EFHC2: variants seen among roughly 807,000 people sequenced by gnomAD.
EFHC2 encodes EF-hand domain-containing family member C2.
A neutral mutation model predicts 52.7 loss-of-function variants in EFHC2; 18 were observed. The ratio of observed to expected loss-of-function variants is 0.34; its 90% CI spans 0.24 to 0.51. The LOEUF (loss-of-function observed/expected upper bound fraction) is 0.51. EFHC2 is among the 20% of genes least tolerant of loss of function. The probability of loss-of-function intolerance (pLI) is 0.97; values close to 1 mark genes in which losing one functional copy is unlikely to be tolerated. For synonymous variants in EFHC2, 203 were observed against 204.1 expected (o/e 0.99, Z 0.04); for missense variants, 513 against 562.5 (o/e 0.91, Z 0.89).
At chrX:44,285,236 C>T (rs1344553942) in intron 2 of EFHC2, 1 of 111,643 alleles carries the variant, frequency 9.0e-6, no homozygotes, top group African/African-American at 3.3e-5. Flanking sequence ...CACCAGTTTT[C>T]CAGTGAGCTC....
chrX:44,280,066 C>CAA (rs1569299823), intron 2 of EFHC2, among the ~76,000 whole-genome samples: 1 of 106,948 alleles, frequency 9.4e-6, no homozygotes, highest in Non-Finnish European at 1.9e-5. Context: ...CACACACACA[C>CAA]AGAAATCAGA....
chrX:44,172,671 G>C (rs1390521626), intron 13 of EFHC2, among the ~76,000 whole-genome samples: 1 of 112,111 alleles, frequency 8.9e-6, no homozygotes, highest in African/African-American at 3.2e-5. Context: ...GGCTCATCTT[G>C]GCCTGGAGCA....
chrX:44,293,427 C>T (rs2037806785), intron 2 of EFHC2, among the ~76,000 whole-genome samples: 2 of 111,146 alleles, frequency 1.8e-5, no homozygotes, highest in East Asian at 5.7e-4. Flanking sequence ...TTACAGTTAG[C>T]AATGTCATCT....
intron 2 of EFHC2, among the ~76,000 whole-genome samples, chrX:44,279,969 A>G (rs2037689632): frequency 9.4e-6 from 1 of 106,894 alleles, no homozygotes; most frequent in Non-Finnish European, 1.9e-5. Context: ...ATCCTGATGC[A>G]TTGGCCACAC....
rs951016865 is a variant in EFHC2 at position 44,310,377 on chromosome X, G to C, written c.231+2191C>G. The C allele has an allele frequency of 8.4e-6, 8 of 949,846 alleles. No homozygotes were observed. The Admixed American group carries it at 2.1e-4, about 25-fold the overall frequency. The allele number at this position is 949,846 out of a possible 1,213,427, so 78.3% of individuals were successfully genotyped here. A position where few individuals can be genotyped will look rare whatever the true frequency, so the allele number is the denominator to read the frequency against. On this transcript the variant is annotated intron_variant, in intron 2 of 14. Transcript: ENST00000420999. ...ACCCGGGTCCCGCTCAGGGCCGGCGGCCTGTTCACCTTGTCGACCAGGCTG... is the reference window on the plus strand; with the variant it reads ...ACCCGGGTCCCGCTCAGGGCCGGCGCCCTGTTCACCTTGTCGACCAGGCTG...
chrX:44,310,143 T>A (rs1238074370), intron 2 of EFHC2: 4 of 686,416 alleles, frequency 5.8e-6, no homozygotes, highest in Non-Finnish European at 7.2e-6. Context: ...GTGCCGAATG[T>A]CCTTGGACAG....
At chrX:44,286,189 G>A (rs1404774059) in intron 2 of EFHC2, 1 of 116,346 alleles carries the variant, frequency 8.6e-6, no homozygotes, top group Middle Eastern at 1.1e-3. Flanking sequence ...AAGGTGTGTC[G>A]CTCTCCCACA....
intron 2 of EFHC2, among the ~76,000 whole-genome samples, chrX:44,310,770 A>G (rs1404493003): frequency 8.9e-6 from 1 of 111,800 alleles, no homozygotes; most frequent in African/African-American, 3.3e-5. Flanking sequence ...TGTTGCATTT[A>G]GTTAGCCCTG....
In EFHC2 at chrX:44,245,982, G is replaced by A. The variant is rs141392884; in HGVS notation, c.1111+2290C>T. ...AGATCCTTCCTGCGTGCTGCACAGT[G>A]GAGATACCCAGGTTTTCTACTGAAC... On this transcript the variant is annotated intron_variant, in intron 7 of 14. Coordinates refer to ENST00000420999, the MANE Select transcript of EFHC2 (RefSeq NM_025184.4). 2.8e-3 allele frequency among the ~76,000 whole-genome samples: 317 copies of A among 111,401 alleles called. 1 individual carries two copies. Among genetic ancestry groups the A allele is most frequent in the African/African-American group, 9.9e-3 (303 of 30,639 alleles).
chrX:44,235,177 G>GTT, intron 9 of EFHC2, 128 bp downstream of exon 9: 4 of 550,823 alleles, frequency 7.3e-6, no homozygotes, highest in South Asian at 8.1e-5. Flanking sequence ...ATTGTTCAGG[G>GTT]TTTTTTTTTA....
chrX:44,197,666 A>G (rs886788827), intron 11 of EFHC2, among the ~76,000 whole-genome samples: 1 of 112,022 alleles, frequency 8.9e-6, no homozygotes, highest in African/African-American at 3.2e-5. Flanking sequence ...CACATGCACA[A>G]TATATGTTTA....
At chrX:44,205,705 C>T (rs1198267094) in intron 11 of EFHC2, among the ~76,000 whole-genome samples, 1 of 111,572 alleles carries the variant, frequency 9.0e-6, no homozygotes, top group Non-Finnish European at 1.9e-5. Flanking sequence ...ATGCACTCAA[C>T]ATCAGAGCAC....
chrX:44,202,009 T>C (rs987226608), intron 11 of EFHC2, among the ~76,000 whole-genome samples: 2 of 111,502 alleles, frequency 1.8e-5, no homozygotes, highest in African/African-American at 3.3e-5. Context: ...ACATGTTGCA[T>C]TGTAGGCCCT....
chrX:44,263,633 T>G (rs771352417), intron 3 of EFHC2, among the ~76,000 whole-genome samples: 1 of 112,336 alleles, frequency 8.9e-6, no homozygotes, highest in Non-Finnish European at 1.9e-5. Context: ...GAAAACAGTA[T>G]GCAAATTATT....
At chrX:44,277,281 A>AAAAAAAAG (rs35893563) in intron 2 of EFHC2, among the ~76,000 whole-genome samples, 2 of 102,473 alleles carry the variant, frequency 2.0e-5, no homozygotes, top group African/African-American at 7.6e-5. Context: ...AAAAAAAAAA[A>AAAAAAAAG]TCTTACAGCT....
intron 1 of EFHC2, among the ~76,000 whole-genome samples, chrX:44,313,757 C>A (rs1300971512): frequency 9.0e-6 from 1 of 110,719 alleles, no homozygotes; most frequent in East Asian, 2.8e-4. Context: ...AGTTCTAGAC[C>A]AGCCTGGCCA....
chrX:44,216,805 G>A (rs966953160), intron 11 of EFHC2, among the ~76,000 whole-genome samples: 1 of 111,371 alleles, frequency 9.0e-6, no homozygotes, highest in Non-Finnish European at 1.9e-5. Flanking sequence ...GACATCAGTC[G>A]GGGCAAAGAT....
At chrX:44,299,837 G>A (rs977943414) in intron 2 of EFHC2, among the ~76,000 whole-genome samples, 3 of 111,683 alleles carry the variant, frequency 2.7e-5, no homozygotes, top group Non-Finnish European at 5.6e-5. Context: ...GTTTTGATAA[G>A]GTATATCAAA....
intron 3 of EFHC2, among the ~76,000 whole-genome samples, chrX:44,269,402 C>T (rs150494818): frequency 0.06 from 6,577 of 109,967 alleles, 208 homozygotes; most frequent in Admixed American, 0.12. Context: ...GGATATTTGT[C>T]CCCTCCAAAT....
Sources: allele counts gnomAD v4.1 joint callset (sites outside exome capture counted in the v4.1 genomes callset), GRCh38; gene constraint gnomAD v4.1.1; transcripts MANE v1.5; gene names NCBI Gene and HGNC (gene_info 2026-07-23, HGNC 2026-07-21).